The following SPAG16 variants were observed in gnomAD, a reference collection of about 807,000 sequenced individuals.
SPAG16 encodes sperm-associated antigen 16 protein.
In SPAG16, 86 loss-of-function variants were observed where a neutral mutation model predicts 80.4. That is an observed-to-expected ratio of 1.07 (90% CI 0.90 to 1.28). SPAG16 has a LOEUF of 1.28. SPAG16 is among the 50% of genes most tolerant of loss of function. The pLI, the probability that SPAG16 is intolerant of heterozygous loss-of-function variation, is 0.00. For synonymous variants in SPAG16, 294 were observed against 265.9 expected (o/e 1.11, Z -1.03); for missense variants, 870 against 765.3 (o/e 1.14, Z -1.61).
At chr2:213,540,826 A>G (rs182420250) in intron 10 of SPAG16, among the ~76,000 whole-genome samples, 1 of 152,376 alleles carries the variant, frequency 6.6e-6, no homozygotes, top group Non-Finnish European at 1.5e-5. Context: ...AAATAAAACA[A>G]CCACAGAAAT....
chr2:213,396,495 G>T, intron 9 of SPAG16: 2 of 223,632 alleles, frequency 8.9e-6, no homozygotes, highest in Admixed American at 5.1e-5. Context: ...TTGTTCCTTT[G>T]TTGGCTTTGA....
At position 213,637,959 on chromosome 2, in the gene SPAG16, G is replaced by A. The variant is rs1048822494; in HGVS notation, c.1070+147869G>A. 8.6e-4 allele frequency among the ~76,000 whole-genome samples: 131 copies of A among 152,166 alleles called. 1 individual carries two copies. Among genetic ancestry groups the A allele is most frequent in the Non-Finnish European group, 3.7e-4 (25 of 67,978 alleles). ...TTTTTAGTAGAGACGGGGTTTCACT[G>A]TGTTAGCCAGGATGGTCTCGATTTC... On this transcript the variant is annotated intron_variant, in intron 10 of 15. Transcript: ENST00000331683.
intron 12 of SPAG16, among the ~76,000 whole-genome samples, chr2:213,953,998 A>G (rs1024215809): frequency 6.6e-6 from 1 of 152,122 alleles, no homozygotes; most frequent in Admixed American, 6.5e-5. Context: ...TAATACACAT[A>G]CCACAAAATT....
At position 214,331,209 on chromosome 2, in the gene SPAG16, T is replaced by C. The variant is rs558918680; in HGVS notation, c.1721-78931T>C. On this transcript the variant is annotated intron_variant, in intron 15 of 15. Coordinates refer to ENST00000331683, the MANE Select transcript of SPAG16 (RefSeq NM_024532.5). ...TCAAAATTGGGCAGAGGGAGAACCA[T>C]GGAATGGCAAAGTGGATCACCTGGG... is the stretch of plus-strand genomic sequence containing the variant. Among the ~76,000 whole-genome samples the C allele has an allele frequency of 5.9e-5, 9 of 152,266 alleles. No individual in the cohort carries two copies. In the South Asian group the frequency reaches 1.9e-3, roughly 32 times the overall value.
intron 15 of SPAG16, among the ~76,000 whole-genome samples, chr2:214,302,390 A>T (rs150248791): frequency 6.6e-6 from 1 of 152,328 alleles, no homozygotes; most frequent in African/African-American, 2.4e-5. Context: ...AGTGCTGTCA[A>T]TGGGGTGTCA....
chr2:214,190,191 A>G (rs57950097), intron 15 of SPAG16, among the ~76,000 whole-genome samples: 7,826 of 152,188 alleles, frequency 0.051, 696 homozygotes, highest in African/African-American at 0.18. Context: ...GTCTGCCTCA[A>G]TACTGGTAAT....
At chr2:213,376,640 C>T (rs759378356) in intron 9 of SPAG16, among the ~76,000 whole-genome samples, 7 of 151,674 alleles carry the variant, frequency 4.6e-5, no homozygotes, top group Non-Finnish European at 8.8e-5. Flanking sequence ...CTATTGACTC[C>T]GCCGTAACAA....
intron 10 of SPAG16, among the ~76,000 whole-genome samples, chr2:213,715,222 G>GTCTATCCATCTATCTATCTA (rs2066176982): frequency 9.1e-6 from 1 of 110,460 alleles, no homozygotes; most frequent in Non-Finnish European, 2.2e-5. Context: ...AGATCTATCT[G>GTCTATCCATCTATCTATCTA]TCTATCTATC....
At chr2:213,400,516 T>G (rs777181788) in intron 9 of SPAG16, among the ~76,000 whole-genome samples, 63 of 152,218 alleles carry the variant, frequency 4.1e-4, no homozygotes, top group Non-Finnish European at 7.9e-4. Flanking sequence ...AATGCATGGT[T>G]TGTATGAAAC....
intron 15 of SPAG16, among the ~76,000 whole-genome samples, chr2:214,232,590 G>T (rs1055583280): frequency 7.9e-5 from 12 of 151,964 alleles, no homozygotes; most frequent in Admixed American, 7.9e-4. Flanking sequence ...AAGGAGTCGG[G>T]GGGGGCTCAG....
intron 15 of SPAG16, among the ~76,000 whole-genome samples, chr2:214,294,283 C>T (rs537657613): frequency 3.9e-5 from 6 of 152,314 alleles, no homozygotes; most frequent in Admixed American, 2.6e-4. Flanking sequence ...CTGGGGATCA[C>T]ACATTTTCCC....
chr2:213,896,592 G>GTATA (rs1553657367), intron 11 of SPAG16, among the ~76,000 whole-genome samples: 3 of 111,878 alleles, frequency 2.7e-5, no homozygotes, highest in South Asian at 3.4e-4. Flanking sequence ...ACACACACAC[G>GTATA]CACACACACA....
intron 10 of SPAG16, among the ~76,000 whole-genome samples, chr2:213,601,077 G>A (rs1319951451): frequency 6.6e-6 from 1 of 152,190 alleles, no homozygotes; most frequent in Non-Finnish European, 1.5e-5. Context: ...CAATGGGCTT[G>A]GAGAACATAA....
intron 11 of SPAG16, among the ~76,000 whole-genome samples, chr2:213,908,826 G>A (rs2077536038): frequency 6.6e-6 from 1 of 150,666 alleles, no homozygotes; most frequent in Admixed American, 6.6e-5. Context: ...ACAATGTGCA[G>A]GTTAGTTACA....
intron 11 of SPAG16, among the ~76,000 whole-genome samples, chr2:213,907,874 G>A (rs1303847164): frequency 6.6e-6 from 1 of 152,124 alleles, no homozygotes; most frequent in African/African-American, 2.4e-5. Flanking sequence ...GGCTGAGAAG[G>A]GGAGGGAGAG....
At chr2:213,979,671 T>G (rs1345167365) in intron 12 of SPAG16, among the ~76,000 whole-genome samples, 1 of 152,080 alleles carries the variant, frequency 6.6e-6, no homozygotes, top group African/African-American at 2.4e-5. Flanking sequence ...GTCCCTCCCT[T>G]GACACGTGGG....
At chr2:214,160,594 C>A (rs1359794988) in intron 15 of SPAG16, among the ~76,000 whole-genome samples, 3 of 151,896 alleles carry the variant, frequency 2.0e-5, no homozygotes, top group Non-Finnish European at 4.4e-5. Context: ...CATTCTTTCC[C>A]ATTCTCCATG....
intron 9 of SPAG16, among the ~76,000 whole-genome samples, chr2:213,428,024 A>C (rs2070049011): frequency 6.6e-6 from 1 of 152,220 alleles, no homozygotes; most frequent in African/African-American, 2.4e-5. Context: ...CTAATATAGA[A>C]GATGGCAGAG....
chr2:213,497,585 T>A (rs1342198262), intron 10 of SPAG16, among the ~76,000 whole-genome samples: 1 of 152,062 alleles, frequency 6.6e-6, no homozygotes, highest in African/African-American at 2.4e-5. Flanking sequence ...CTCCTGGGAC[T>A]GTAAACATTT....
Sources: gnomAD v4.1 joint callset for allele counts (sites outside exome capture counted in the v4.1 genomes callset) on GRCh38, gnomAD v4.1.1 for gene constraint, MANE v1.5 for transcripts, NCBI Gene and HGNC (gene_info 2026-07-23, HGNC 2026-07-21) for gene names.